The following GRM7 variants were observed in gnomAD, a reference collection of about 807,000 sequenced individuals.
The protein encoded by GRM7 is glutamate metabotropic receptor 7.
GRM7 carries 35 observed loss-of-function variants against 84.5 expected under a neutral mutation model. That is an observed-to-expected ratio of 0.41 (90% CI 0.32 to 0.55). The LOEUF (loss-of-function observed/expected upper bound fraction) is 0.55, where lower values mean the gene tolerates loss of function less well. GRM7 is among the 20% of genes least tolerant of loss of function. GRM7 has a pLI of 0.19. For synonymous variants in GRM7, 487 were observed against 455.1 expected, an observed-to-expected ratio of 1.07 and a Z score of -0.89; for missense variants, 1,003 against 1,194.6, an observed-to-expected ratio of 0.84 and a Z score of 2.36.
chr3:6,907,051 G>A (rs904832209), intron 1 of GRM7, among the ~76,000 whole-genome samples: 1 of 151,778 alleles, frequency 6.6e-6, no homozygotes, highest in Non-Finnish European at 1.5e-5. Flanking sequence ...ACTAAAGATG[G>A]GTACATTTCT....
At chr3:7,293,042 A>AAG (rs2125013459) in intron 2 of GRM7, among the ~76,000 whole-genome samples, 1 of 151,748 alleles carries the variant, frequency 6.6e-6, no homozygotes, top group Non-Finnish European at 1.5e-5. Flanking sequence ...CTCAAAAAAA[A>AAG]AAAAAAAAAT....
intron 6 of GRM7, 129 bp from the exon 7 acceptor site, chr3:7,461,454 G>C: frequency 3.1e-6 from 2 of 652,438 alleles, no homozygotes; most frequent in South Asian, 2.2e-5. Context: ...GTTTTGGGGG[G>C]ACCTATTAAA....
At chr3:6,929,995 A>C (rs1363694716) in intron 1 of GRM7, among the ~76,000 whole-genome samples, 1 of 152,194 alleles carries the variant, frequency 6.6e-6, no homozygotes, top group Non-Finnish European at 1.5e-5. Context: ...GATTTTCCCC[A>C]ACCCATATGT....
chr3:7,530,297 T>C (rs1172228401), intron 7 of GRM7, among the ~76,000 whole-genome samples: 1 of 152,192 alleles, frequency 6.6e-6, no homozygotes, highest in Non-Finnish European at 1.5e-5. Flanking sequence ...CTGCATAGTA[T>C]TCCCTATGTT....
At chr3:7,313,213 C>T (rs1297640152) in intron 4 of GRM7, among the ~76,000 whole-genome samples, 3 of 152,054 alleles carry the variant, frequency 2.0e-5, no homozygotes, top group Non-Finnish European at 4.4e-5. Flanking sequence ...ACAGGCGTGA[C>T]CCACTGCGCC....
rs937226006 is a variant in GRM7 at position 6,887,144 on chromosome 3, C to A, written c.519+25237C>A. Among the ~76,000 whole-genome samples the A allele has an allele frequency of 6.4e-4, 97 of 151,920 alleles. 1 individual carries two copies. The highest frequency in any genetic ancestry group is 2.2e-3 in the African/African-American group (90 of 41,454). Reference sequence around the variant, plus strand: ...CTCCCACTGTTTAAACTGAAAATACCAGACACATTTACATGTAAACAATGT... The same window carrying A: ...CTCCCACTGTTTAAACTGAAAATACAAGACACATTTACATGTAAACAATGT... On this transcript the variant is annotated intron_variant, in intron 1 of 9. Coordinates refer to ENST00000357716, the MANE Select transcript of GRM7 (RefSeq NM_000844.4).
chr3:7,443,230 C>G (rs538036780), intron 5 of GRM7, among the ~76,000 whole-genome samples: 1 of 152,040 alleles, frequency 6.6e-6, no homozygotes, highest in Non-Finnish European at 1.5e-5. Flanking sequence ...TTACAGATAC[C>G]CTATACATAT....
chr3:7,725,981 G>A lies in GRM7; in HGVS notation c.2699-14376G>A, dbSNP rs367832088. ...AATGCCTCAGGAAATATTTTAGGAG[G>A]CCATTTATTACATAAGGTAGGTACA... is the stretch of plus-strand genomic sequence containing the variant. On this transcript the variant is annotated intron_variant, in intron 9 of 9. Transcript: ENST00000357716. Among the ~76,000 whole-genome samples the A allele has an allele frequency of 3.3e-5, 5 of 152,242 alleles. No individual in the cohort carries two copies. The East Asian group carries it at 7.7e-4, about 24-fold the overall frequency.
intron 1 of GRM7, among the ~76,000 whole-genome samples, chr3:6,894,274 G>A (rs1463814245): frequency 2.6e-5 from 4 of 152,040 alleles, no homozygotes; most frequent in Non-Finnish European, 5.9e-5. Context: ...ATGACATTTG[G>A]TCTGAATCTC....
At chr3:7,559,448 C>G (rs943205853) in intron 7 of GRM7, 3 of 152,048 alleles carry the variant, frequency 2.0e-5, no homozygotes, top group African/African-American at 7.2e-5. Flanking sequence ...TTTCTCAGCC[C>G]TGGGTGCACA....
At chr3:7,416,673 A>G (rs1696172703) in intron 5 of GRM7, among the ~76,000 whole-genome samples, 1 of 152,184 alleles carries the variant, frequency 6.6e-6, no homozygotes, top group African/African-American at 2.4e-5. Flanking sequence ...TAAAGGTATC[A>G]TTCAGTCAAC....
chr3:6,925,776 C>G (rs1205157410), intron 1 of GRM7, among the ~76,000 whole-genome samples: 5 of 152,200 alleles, frequency 3.3e-5, no homozygotes, highest in Non-Finnish European at 7.3e-5. Flanking sequence ...CCCATTGATC[C>G]TACCTTGTCC....
chr3:7,389,240 A>T (rs907028369), intron 4 of GRM7, among the ~76,000 whole-genome samples: 21 of 152,238 alleles, frequency 1.4e-4, no homozygotes, highest in African/African-American at 4.8e-4. Flanking sequence ...GTCTGAAAAG[A>T]TGCTTGATGG....
At chr3:7,247,528 G>A (rs1030818481) in intron 2 of GRM7, among the ~76,000 whole-genome samples, 8 of 149,312 alleles carry the variant, frequency 5.4e-5, no homozygotes, top group Admixed American at 3.4e-4. Flanking sequence ...GAGCCCAGGA[G>A]TTTAAGGCTG....
intron 4 of GRM7, among the ~76,000 whole-genome samples, chr3:7,327,122 C>T (rs1701020301): frequency 6.6e-6 from 1 of 152,176 alleles, no homozygotes; most frequent in Non-Finnish European, 1.5e-5. Context: ...TGTATTTGCC[C>T]AGTATCTCTG....
At chr3:7,143,439 G>A (rs566309804) in intron 1 of GRM7, among the ~76,000 whole-genome samples, 1 of 152,098 alleles carries the variant, frequency 6.6e-6, no homozygotes, top group South Asian at 2.1e-4. Context: ...TATATTCATA[G>A]TGTCAAAATA....
At chr3:7,357,421 G>T (rs1033589723) in intron 4 of GRM7, among the ~76,000 whole-genome samples, 2 of 151,810 alleles carry the variant, frequency 1.3e-5, no homozygotes, top group Non-Finnish European at 1.5e-5. Context: ...CAGCACCATA[G>T]AACTCATTTC....
chr3:6,963,539 T>G (rs2125085058), intron 1 of GRM7, among the ~76,000 whole-genome samples: 1 of 152,242 alleles, frequency 6.6e-6, no homozygotes, highest in East Asian at 1.9e-4. Context: ...ACAGGAGAAT[T>G]GCTTGAGCCC....
intron 2 of GRM7, among the ~76,000 whole-genome samples, chr3:7,269,450 C>A (rs992532946): frequency 2.6e-5 from 4 of 152,248 alleles, no homozygotes; most frequent in South Asian, 4.2e-4. Context: ...CTGAACCCCC[C>A]CCCCAGAGAG....
Sources: allele counts gnomAD v4.1 joint callset (sites outside exome capture counted in the v4.1 genomes callset), GRCh38; gene constraint gnomAD v4.1.1; transcripts MANE v1.5; gene names NCBI Gene and HGNC (gene_info 2026-07-23, HGNC 2026-07-21).